Variants in ZNF131 observed in about 807,000 individuals in gnomAD.
ZNF131 encodes zinc finger protein 131.
Under a neutral mutation model 60.0 loss-of-function variants are expected in ZNF131, and 7 were observed. That is an observed-to-expected ratio of 0.12 (90% CI 0.07 to 0.22). ZNF131 has a LOEUF of 0.22. ZNF131 is among the 10% of genes least tolerant of loss of function. ZNF131 has a pLI of 1.00. For missense variants in ZNF131, 493 were observed against 740.9 expected (o/e 0.67, Z 3.88); for synonymous variants, 257 against 253.2 (o/e 1.01, Z -0.14).
At chr5:43,160,994 C>T (rs988206658) in intron 4 of ZNF131, among the ~76,000 whole-genome samples, 2 of 151,892 alleles carry the variant, frequency 1.3e-5, no homozygotes, top group African/African-American at 4.8e-5. Context: ...ACCTTTTTTT[C>T]CCCCATAAAA....
chr5:43,175,680 G>A lies in ZNF131; in HGVS notation c.*547G>A. 5.9e-6 allele frequency: 2 copies of A among 339,038 alleles called. No homozygotes were observed. The highest frequency in any genetic ancestry group is 5.3e-6 in the Non-Finnish European group (1 of 190,354). The allele number at this position is 339,038 out of a possible 1,614,324, so 21.0% of individuals were successfully genotyped here. A position where few individuals can be genotyped will look rare whatever the true frequency, so the allele number is the denominator to read the frequency against. ...CCCAGTAGTCACAGATGCCATCTTT[G>A]CAACAGAAAGAGTGGTGGTGGCAAA... On this transcript the variant is annotated 3_prime_UTR_variant, in exon 7 of 7. Transcript: ENST00000682664.
intron 4 of ZNF131, among the ~76,000 whole-genome samples, chr5:43,139,733 G>C (rs1351208894): frequency 6.6e-6 from 1 of 152,192 alleles, no homozygotes; most frequent in African/African-American, 2.4e-5. Context: ...ATCATTTCAA[G>C]TTAGAAGTAT....
intron 4 of ZNF131, among the ~76,000 whole-genome samples, chr5:43,153,355 T>C (rs1748554693): frequency 6.8e-6 from 1 of 146,242 alleles, no homozygotes; most frequent in Non-Finnish European, 1.5e-5. Context: ...CCAGGCGCGG[T>C]GGTTAACGCC....
chr5:43,142,814 C>T (rs1369319706), intron 4 of ZNF131, among the ~76,000 whole-genome samples: 2 of 151,836 alleles, frequency 1.3e-5, no homozygotes, highest in African/African-American at 2.4e-5. Context: ...ACCTTAGCCT[C>T]CCAAGTAGCT....
At chr5:43,134,558 C>CA (rs1448016726) in intron 3 of ZNF131, among the ~76,000 whole-genome samples, 2 of 152,084 alleles carry the variant, frequency 1.3e-5, no homozygotes, top group Non-Finnish European at 2.9e-5. Flanking sequence ...AGGAAGGAAT[C>CA]AATCTCTTTT....
chr5:43,174,672 A>G lies in ZNF131; in HGVS notation c.1411A>G (p.Ile471Val), dbSNP rs1397658158. The change falls in exon 7 of 7, where the codon ATT (isoleucine) becomes GTT (valine). Residue 471 changes from isoleucine to valine, a missense_variant. Physicochemically the swap from Ile to Val is conservative, Grantham distance 29. Transcript: ENST00000682664. ...VQTEPVTSMT[I>V]IEQVGKVHVL... ...AACTGAACCTGTAACATCAATGACTATTATAGAACAAGTTGGGAAGGTGCA... is the reference window on the plus strand; with the variant it reads ...AACTGAACCTGTAACATCAATGACTGTTATAGAACAAGTTGGGAAGGTGCA... The G allele has an allele frequency of 1.9e-6, 3 of 1,614,080 alleles. No homozygotes were observed. The highest frequency in any genetic ancestry group is 2.2e-5 in the East Asian group (1 of 44,892).
At chr5:43,170,618 G>A (rs1445846105) in intron 5 of ZNF131, among the ~76,000 whole-genome samples, 1 of 148,848 alleles carries the variant, frequency 6.7e-6, no homozygotes, top group African/African-American at 2.5e-5. Flanking sequence ...ACCTGTAACA[G>A]CATTCATCTT....
Position 43,174,786 on chromosome 5 carries a change from C to T in ZNF131, c.1525C>T (p.His509Tyr). ...AGATCTGCTCCAGGACAGCCAGGTG[C>T]ACGATTCACACATGAGTGAGCTTCC... ...HPDLLQDSQV[H>Y]DSHMSELPEQ... Residue 509 changes from histidine to tyrosine, a missense_variant, in exon 7 of 7, where the codon CAC becomes TAC. Around this residue, in one of 7 missense-constraint regions of ZNF131, gnomAD observed 202 missense variants for 221.3 expected, o/e 0.91. Coordinates refer to ENST00000682664, the MANE Select transcript of ZNF131 (RefSeq NM_001330707.2). 1 of 1,614,214 alleles carries T rather than the reference C, an allele frequency of 6.2e-7. No individual in the cohort carries two copies. The highest frequency in any genetic ancestry group is 8.5e-7 in the Non-Finnish European group (1 of 1,180,044).
At chr5:43,144,191 G>T (rs1302964945) in intron 4 of ZNF131, among the ~76,000 whole-genome samples, 1 of 148,664 alleles carries the variant, frequency 6.7e-6, no homozygotes, top group African/African-American at 2.5e-5. Flanking sequence ...CAAAGTGCTG[G>T]GATTACAGGC....
intron 4 of ZNF131, among the ~76,000 whole-genome samples, chr5:43,153,085 T>TA (rs1023362561): frequency 6.6e-6 from 1 of 152,140 alleles, no homozygotes; most frequent in African/African-American, 2.4e-5. Flanking sequence ...ATTTAAAACT[T>TA]AGAGACCCAT....
intron 4 of ZNF131, among the ~76,000 whole-genome samples, chr5:43,157,816 G>A (rs1368091112): frequency 3.3e-5 from 5 of 152,166 alleles, no homozygotes; most frequent in African/African-American, 4.8e-5. Context: ...GCGAAAAGGT[G>A]TTTCTTGGCT....
intron 4 of ZNF131, among the ~76,000 whole-genome samples, chr5:43,145,883 G>C (rs1427794171): frequency 6.6e-6 from 1 of 152,168 alleles, no homozygotes; most frequent in East Asian, 1.9e-4. Flanking sequence ...GACAAGTTGA[G>C]TTTGTCATTT....
intron 1 of ZNF131, 123 bp from the exon 2 acceptor site, chr5:43,121,916 C>T (rs962290870): frequency 1.2e-5 from 14 of 1,124,240 alleles, no homozygotes; most frequent in East Asian, 1.1e-4. Flanking sequence ...TTTCTCTCCT[C>T]TTGCTTCACC....
intron 3 of ZNF131, among the ~76,000 whole-genome samples, chr5:43,130,283 G>GAAAAAAAAAAAAAAAAAAAAA (rs1745158956): frequency 1.7e-5 from 1 of 59,928 alleles, no homozygotes; most frequent in Non-Finnish European, 3.5e-5. Context: ...AAAAAAAAAA[G>GAAAAAAAAAAAAAAAAAAAAA]AGGAAAGTAG....
intron 4 of ZNF131, among the ~76,000 whole-genome samples, chr5:43,158,339 G>A (rs1000207002): frequency 8.5e-5 from 13 of 152,110 alleles, no homozygotes; most frequent in Admixed American, 7.9e-4. Context: ...GCCCAGGCTG[G>A]AGTGCAATGG....
chr5:43,144,695 A>G (rs904854188), intron 4 of ZNF131, among the ~76,000 whole-genome samples: 2 of 152,148 alleles, frequency 1.3e-5, no homozygotes, highest in South Asian at 2.1e-4. Flanking sequence ...GTTTAAGGCT[A>G]TTTGAAAAGT....
chr5:43,143,936 T>TTTTTTTTTTTC (rs1561411672), intron 4 of ZNF131, among the ~76,000 whole-genome samples: 3 of 109,454 alleles, frequency 2.7e-5, no homozygotes, highest in African/African-American at 1.1e-4. Context: ...TTTTTTTTTT[T>TTTTTTTTTTTC]CCTTGAGACG....
Position 43,161,943 on chromosome 5 carries a change from ATAC to A in ZNF131, c.1054+14_1054+16del. ...TCGAAAACATACAGGTAATGAGCAA[ATAC>A]TTTGTTAAAATTTTTTTTTCCCACA... On this transcript the variant is annotated intron_variant, in intron 5 of 6. Transcript: ENST00000682664. 1 of 1,547,582 alleles carries A rather than the reference ATAC, an allele frequency of 6.5e-7. No homozygotes were observed. Among genetic ancestry groups the A allele is most frequent in the Non-Finnish European group, 8.7e-7 (1 of 1,150,720 alleles).
rs1428974787 is a variant in ZNF131 at position 43,122,041 on chromosome 5, C to G, written c.-13C>G. On this transcript the variant is annotated splice_region_variant and 5_prime_UTR_variant, in exon 2 of 7. Transcript: ENST00000682664. ...ATTATCATGCTCTTCTTTTGTAGAG[C>G]AGCCCGACGGCCATGGAGGCTGAAG... 1 of 1,613,452 alleles carries G rather than the reference C, an allele frequency of 6.2e-7. No individual in the cohort carries two copies. The highest frequency in any genetic ancestry group is 1.3e-5 in the African/African-American group (1 of 74,824).
Sources: gnomAD v4.1 joint callset for allele counts (sites outside exome capture counted in the v4.1 genomes callset) on GRCh38, gnomAD v4.1.1 for gene constraint, gnomAD v4.1.1 regional missense constraint, MANE v1.5 for transcripts, NCBI Gene and HGNC (gene_info 2026-07-23, HGNC 2026-07-21) for gene names.